Variants in ANKRD12 observed in about 807,000 individuals in gnomAD.
ANKRD12 encodes ankyrin repeat domain 12.
In ANKRD12, 85 loss-of-function variants were observed where a neutral mutation model predicts 183.4. The observed-to-expected ratio is 0.46, with a 90% CI of 0.39 to 0.56. ANKRD12 has a LOEUF of 0.56. ANKRD12 is among the 20% of genes least tolerant of loss of function. The pLI is 0.00. For synonymous variants in ANKRD12, 914 were observed against 800.2 expected, an observed-to-expected ratio of 1.14 and a Z score of -2.40; for missense variants, 2,405 against 2,357.1, an observed-to-expected ratio of 1.02 and a Z score of -0.42.
intron 9 of ANKRD12, chr18:9,260,527 G>A (rs528463495): frequency 1.3e-5 from 2 of 152,276 alleles, no homozygotes; most frequent in South Asian, 2.1e-4. Context: ...GGAGGAAAAC[G>A]AGATTTGTTA....
intron 7 of ANKRD12, among the ~76,000 whole-genome samples, chr18:9,218,679 C>CT (rs909412401): frequency 5.4e-5 from 6 of 110,514 alleles, no homozygotes; most frequent in Admixed American, 2.7e-4. Context: ...TTTTTTTTTT[C>CT]TTTTTTTTGA....
intron 1 of ANKRD12, among the ~76,000 whole-genome samples, chr18:9,168,124 A>C (rs1376917063): frequency 6.6e-6 from 1 of 152,138 alleles, no homozygotes; most frequent in Non-Finnish European, 1.5e-5. Flanking sequence ...GTTTGCCAGT[A>C]ATTTATCGAG....
At chr18:9,178,494 C>T (rs186725016) in intron 1 of ANKRD12, among the ~76,000 whole-genome samples, 3 of 114,226 alleles carry the variant, frequency 2.6e-5, no homozygotes, top group African/African-American at 6.7e-5. Context: ...CGTTCTGTTC[C>T]GTTAATCTAT....
intron 8 of ANKRD12, chr18:9,239,607 A>G: frequency 1.1e-6 from 1 of 914,778 alleles, no homozygotes; most frequent in Non-Finnish European, 1.5e-6. Flanking sequence ...TGATGAAAAT[A>G]CCCAAAATTT....
chr18:9,179,896 G>A (rs1372108996), intron 1 of ANKRD12, among the ~76,000 whole-genome samples: 2 of 152,216 alleles, frequency 1.3e-5, no homozygotes, highest in African/African-American at 4.8e-5. Context: ...TTATGACACA[G>A]AATGTGGCCT....
intron 8 of ANKRD12, among the ~76,000 whole-genome samples, chr18:9,252,020 C>A (rs2145138076): frequency 6.6e-6 from 1 of 152,156 alleles, no homozygotes; most frequent in African/African-American, 2.4e-5. Context: ...ATAGCAGAGA[C>A]TTTAAAAATT....
intron 7 of ANKRD12, among the ~76,000 whole-genome samples, chr18:9,218,008 G>A (rs774823836): frequency 4.6e-5 from 7 of 152,156 alleles, no homozygotes; most frequent in South Asian, 4.2e-4. Context: ...TGAATTTATC[G>A]GAAACTGACT....
intron 8 of ANKRD12, among the ~76,000 whole-genome samples, chr18:9,228,664 A>C (rs889783846): frequency 9.2e-5 from 14 of 151,934 alleles, no homozygotes; most frequent in African/African-American, 2.9e-4. Context: ...GATTATTTGG[A>C]GTTTTCTTCA....
At chr18:9,264,765 TA>T (rs931059236) in intron 10 of ANKRD12, among the ~76,000 whole-genome samples, 1 of 142,072 alleles carries the variant, frequency 7.0e-6, no homozygotes, top group African/African-American at 2.8e-5. Flanking sequence ...CTATTTCAAC[TA>T]TTAAGACGTT....
intron 10 of ANKRD12, among the ~76,000 whole-genome samples, chr18:9,272,820 T>G (rs528868906): frequency 1.3e-4 from 20 of 152,366 alleles, no homozygotes; most frequent in Admixed American, 1.2e-3. Flanking sequence ...ATTAGGACCA[T>G]GTTTCTTTGT....
chr18:9,168,801 A>G (rs1309772557), intron 1 of ANKRD12, among the ~76,000 whole-genome samples: 2 of 151,706 alleles, frequency 1.3e-5, no homozygotes, highest in Admixed American at 1.3e-4. Flanking sequence ...AGTTCTTTTA[A>G]TTGTGATGTT....
chr18:9,211,993 A>G (rs991218174), intron 6 of ANKRD12, among the ~76,000 whole-genome samples: 3 of 152,108 alleles, frequency 2.0e-5, no homozygotes, highest in Non-Finnish European at 4.4e-5. Context: ...TTATATACTA[A>G]ACTTATACTT....
intron 1 of ANKRD12, among the ~76,000 whole-genome samples, chr18:9,138,756 A>G (rs756702393): frequency 2.6e-5 from 4 of 152,198 alleles, no homozygotes; most frequent in African/African-American, 9.6e-5. Flanking sequence ...AAAAATCTTT[A>G]ATTTGGGTTA....
intron 1 of ANKRD12, among the ~76,000 whole-genome samples, chr18:9,166,915 A>C (rs1469188459): frequency 6.6e-6 from 1 of 152,242 alleles, no homozygotes; most frequent in Admixed American, 6.5e-5. Context: ...GAAGGGATCC[A>C]GTTTCAGCTT....
chr18:9,236,311 C>T (rs959931039), intron 8 of ANKRD12, among the ~76,000 whole-genome samples: 36 of 152,204 alleles, frequency 2.4e-4, no homozygotes, highest in Admixed American at 1.9e-3. Context: ...GTGAGCTTAC[C>T]AACCCTCCAG....
intron 1 of ANKRD12, among the ~76,000 whole-genome samples, chr18:9,158,714 A>G (rs2030967481): frequency 6.6e-6 from 1 of 152,102 alleles, no homozygotes; most frequent in Non-Finnish European, 1.5e-5. Context: ...TCCATGCTGT[A>G]TTCTTTGGAA....
chr18:9,197,922 A>G (rs752547541), intron 3 of ANKRD12, among the ~76,000 whole-genome samples: 1 of 152,216 alleles, frequency 6.6e-6, no homozygotes, highest in Non-Finnish European at 1.5e-5. Flanking sequence ...AAATTTTAGT[A>G]ATAGATGACG....
chr18:9,166,987 T>C (rs957760903), intron 1 of ANKRD12, among the ~76,000 whole-genome samples: 1 of 152,206 alleles, frequency 6.6e-6, no homozygotes, highest in Non-Finnish European at 1.5e-5. Flanking sequence ...CTTTCCCCAT[T>C]GCTTGTTTTT....
chr18:9,216,732 A>G (rs1402415477), intron 6 of ANKRD12, 26 bp from the exon 7 acceptor site: 1 of 1,607,696 alleles, frequency 6.2e-7, no homozygotes, highest in Admixed American at 1.7e-5. Context: ...CAAGTGAATC[A>G]TGTTAAATTA....
Sources: allele counts gnomAD v4.1 joint callset (sites outside exome capture counted in the v4.1 genomes callset), GRCh38; gene constraint gnomAD v4.1.1; transcripts MANE v1.5; gene names NCBI Gene and HGNC (gene_info 2026-07-23, HGNC 2026-07-21).